Variants in TMEM120B observed in about 807,000 individuals in gnomAD.
TMEM120B encodes transmembrane protein 120B.
Under a neutral mutation model 55.5 loss-of-function variants are expected in TMEM120B, and 31 were observed. The ratio of observed to expected loss-of-function variants is 0.56; its 90% CI spans 0.42 to 0.75. The LOEUF is 0.75. TMEM120B is among the 30% of genes least tolerant of loss of function. TMEM120B has a pLI of 0.00. For synonymous variants in TMEM120B, 203 were observed against 176.3 expected (o/e 1.15, Z -1.20); for missense variants, 399 against 425.5 (o/e 0.94, Z 0.55).
In TMEM120B at chr12:121,781,999, T is replaced by TAAAC. The variant is rs1231348067; in HGVS notation, c.*6280_*6283dup. On this transcript the variant is annotated 3_prime_UTR_variant, in exon 12 of 12. Coordinates refer to ENST00000449592, the MANE Select transcript of TMEM120B (RefSeq NM_001080825.2). The stretch of plus-strand genomic sequence containing the variant: ...TTTGCTTTTTTCTTCTTCTTCTTTA[T>TAAAC]AAACAATTCTTTGTAACTTTTTGTA... 6.6e-6 allele frequency: 1 copy of TAAAC among 152,226 alleles called. No homozygotes were observed. Among genetic ancestry groups the TAAAC allele is most frequent in the East Asian group, 1.9e-4 (1 of 5,202 alleles). 9.4% of individuals were successfully genotyped at this position (152,226 alleles called of 1,614,324 possible).
At chr12:121,754,336 G>T (rs1057119669) in intron 5 of TMEM120B, among the ~76,000 whole-genome samples, 1 of 152,242 alleles carries the variant, frequency 6.6e-6, no homozygotes, top group Non-Finnish European at 1.5e-5. Context: ...AACCCTTGCT[G>T]TCCTGAGGCC....
At position 121,773,434 on chromosome 12, in the gene TMEM120B, C is replaced by T. The variant is rs1447586279; in HGVS notation, c.693C>T (p.Phe231=). ...CTCCCCCTGCAGGCTGCGTCCAGTT[C>T]CTGCAATATTATTACCAGAGGGGCT... The part of the protein sequence containing the change: ...AFSIFQSCVQ[F]LQYYYQRGCL... The change falls in exon 9 of 12, where the codon TTC becomes TTT. Residue 231 remains phenylalanine (F), a synonymous_variant. Transcript: ENST00000449592. 2.5e-6 allele frequency: 4 copies of T among 1,611,058 alleles called. No homozygotes were observed. The highest frequency in any genetic ancestry group is 3.4e-6 in the Non-Finnish European group (4 of 1,178,664).
intron 6 of TMEM120B, among the ~76,000 whole-genome samples, chr12:121,765,899 C>T (rs1485945615): frequency 6.6e-6 from 1 of 152,102 alleles, no homozygotes; most frequent in East Asian, 1.9e-4. Context: ...TGCAGGAGAG[C>T]CTGTGTGGAG....
At chr12:121,718,028 T>G (rs936119451) in intron 1 of TMEM120B, among the ~76,000 whole-genome samples, 2 of 152,186 alleles carry the variant, frequency 1.3e-5, no homozygotes, top group Admixed American at 1.3e-4. Flanking sequence ...TGAGTTCAGG[T>G]CCTAGCTTTG....
Position 121,712,925 on chromosome 12 carries a change from C to T in TMEM120B, c.30C>T (p.Arg10=). 1 of 1,535,144 alleles carries T rather than the reference C, an allele frequency of 6.5e-7. No homozygotes were observed. Among genetic ancestry groups the T allele is most frequent in the Non-Finnish European group, 8.7e-7 (1 of 1,148,418 alleles). Residue 10 remains arginine, a synonymous_variant, in exon 1 of 12, where the codon CGC becomes CGT. Transcript: ENST00000449592. ...CCGGGCAGCTGGAGCGTTGCGAGCG[C>T]GAATGGCACGAGCTGGAGGGAGAAT... MSGQLERCE[R]EWHELEGEFQ...
At chr12:121,765,991 A>G (rs1037144810) in intron 6 of TMEM120B, among the ~76,000 whole-genome samples, 1 of 152,080 alleles carries the variant, frequency 6.6e-6, no homozygotes, top group African/African-American at 2.4e-5. Flanking sequence ...CGCGCCGTCA[A>G]CACCCCACAG....
At position 121,779,383 on chromosome 12, in the gene TMEM120B, C is replaced by G. The variant is rs564055361; in HGVS notation, c.*3661C>G. 4.4e-6 allele frequency: 5 copies of G among 1,136,638 alleles called. No individual in the cohort carries two copies. The Admixed American group carries it at 7.5e-5, about 17-fold the overall frequency. 70.4% of individuals were successfully genotyped at this position (1,136,638 alleles called of 1,614,324 possible). A position where few individuals can be genotyped will look rare whatever the true frequency, so the allele number is the denominator to read the frequency against. The stretch of plus-strand genomic sequence containing the variant: ...TTCCAGAATGTTCCAAGAGTCTAGC[C>G]GCAGGCCCCAGACACCATGAGCTGG... On this transcript the variant is annotated 3_prime_UTR_variant, in exon 12 of 12. Transcript: ENST00000449592.
rs867692328 is a variant in TMEM120B, at chr12:121,779,376, G to A, written c.*3654G>A. On this transcript the variant is annotated 3_prime_UTR_variant, in exon 12 of 12. Coordinates refer to ENST00000449592, the MANE Select transcript of TMEM120B (RefSeq NM_001080825.2). ...GAGAGAGTTCCAGAATGTTCCAAGA[G>A]TCTAGCCGCAGGCCCCAGACACCAT... The A allele has an allele frequency of 9.6e-7, 1 of 1,046,018 alleles. No homozygotes were observed. Among genetic ancestry groups the A allele is most frequent in the African/African-American group, 1.6e-5 (1 of 62,688 alleles). 64.8% of individuals were successfully genotyped at this position (1,046,018 alleles called of 1,614,324 possible).
Position 121,775,763 on chromosome 12 carries a change from A to C in TMEM120B, c.*41A>C. 1 of 1,605,832 alleles carries C rather than the reference A, an allele frequency of 6.2e-7. No individual in the cohort carries two copies. ...GCCCTCGGCCCGGACTTCAGACTGC[A>C]GGGGGCTCCCGGGCTCCTTCCCAGC... On this transcript the variant is annotated 3_prime_UTR_variant, in exon 12 of 12. Transcript: ENST00000449592. The surrounding 1 kb of genome is among the most constrained non-coding windows in gnomAD (Gnocchi z 4.3).
intron 1 of TMEM120B, among the ~76,000 whole-genome samples, chr12:121,718,135 A>G (rs2136963081): frequency 6.6e-6 from 1 of 152,268 alleles, no homozygotes; most frequent in East Asian, 1.9e-4. Flanking sequence ...CATAACAACA[A>G]CAATAACAAT....
chr12:121,750,359 C>G (rs1873236511), intron 3 of TMEM120B, 21 bp from the exon 4 acceptor site: 1 of 1,610,814 alleles, frequency 6.2e-7, no homozygotes, highest in East Asian at 2.2e-5. Context: ...GATCATGCCC[C>G]TCACAGGTGT....
chr12:121,728,088 C>T (rs933979738), intron 1 of TMEM120B, among the ~76,000 whole-genome samples: 1 of 151,112 alleles, frequency 6.6e-6, no homozygotes, highest in African/African-American at 2.4e-5. Context: ...GTTCACTGCG[C>T]CCTCTGCCTT....
At chr12:121,757,313 C>T (rs1471874131) in intron 5 of TMEM120B, among the ~76,000 whole-genome samples, 1 of 151,792 alleles carries the variant, frequency 6.6e-6, no homozygotes, top group Non-Finnish European at 1.5e-5. Flanking sequence ...AGGAGCGCAC[C>T]ACCACACCCG....
chr12:121,715,800 G>A (rs568962285), intron 1 of TMEM120B, among the ~76,000 whole-genome samples: 3 of 151,994 alleles, frequency 2.0e-5, no homozygotes, highest in South Asian at 4.2e-4. Context: ...TTCCCTGGAC[G>A]GGGGCCACAC....
At chr12:121,713,819 A>G (rs948190789) in intron 1 of TMEM120B, among the ~76,000 whole-genome samples, 1 of 152,152 alleles carries the variant, frequency 6.6e-6, no homozygotes, top group African/African-American at 2.4e-5. Flanking sequence ...ATTTTTGAAG[A>G]CAGGGCTGTT....
chr12:121,777,023 T>A lies in TMEM120B; in HGVS notation c.*1301T>A, dbSNP rs1474532949. On this transcript the variant is annotated 3_prime_UTR_variant, in exon 12 of 12. Transcript: ENST00000449592. ...CAGGCTGGAGTGCAGTGACACAATC[T>A]CAGCTCACTGCAACCTCTGCCTCCC... 6.7e-6 allele frequency: 1 copy of A among 149,580 alleles called. No individual in the cohort carries two copies. Among genetic ancestry groups the A allele is most frequent in the Non-Finnish European group, 1.5e-5 (1 of 67,656 alleles). The allele number at this position is 149,580 out of a possible 1,614,324, so 9.3% of individuals were successfully genotyped here.
chr12:121,758,630 T>C, intron 5 of TMEM120B: 1 of 976,932 alleles, frequency 1.0e-6, no homozygotes, highest in Non-Finnish European at 1.2e-6. Context: ...GTGGTCACCA[T>C]GGAGGAGGAC....
At chr12:121,718,108 C>A (rs898259047) in intron 1 of TMEM120B, among the ~76,000 whole-genome samples, 8 of 152,134 alleles carry the variant, frequency 5.3e-5, no homozygotes, top group African/African-American at 1.9e-4. Flanking sequence ...AAAACAAAGG[C>A]TGACAATAAT....
rs1465742672 is a variant in TMEM120B, at chr12:121,780,526, G to A, written c.*4804G>A. On this transcript the variant is annotated 3_prime_UTR_variant, in exon 12 of 12. Coordinates refer to ENST00000449592, the MANE Select transcript of TMEM120B (RefSeq NM_001080825.2). Reference sequence around the variant, plus strand: ...GCAGACAGGACACGACAGGACGGCGGCTCATAGCACAGACTTTGGATTGCA... The same window carrying A: ...GCAGACAGGACACGACAGGACGGCGACTCATAGCACAGACTTTGGATTGCA... The A allele has an allele frequency of 1.4e-5, 6 of 438,012 alleles. No homozygotes were observed. Among genetic ancestry groups the A allele is most frequent in the Non-Finnish European group, 2.4e-5 (6 of 246,390 alleles). The allele number at this position is 438,012 out of a possible 1,614,324, so 27.1% of individuals were successfully genotyped here.
Sources: gnomAD v4.1 joint callset for allele counts (sites outside exome capture counted in the v4.1 genomes callset) on GRCh38, gnomAD v4.1.1 for gene constraint, Gnocchi (gnomAD v3.1) non-coding constraint, MANE v1.5 for transcripts, NCBI Gene and HGNC (gene_info 2026-07-23, HGNC 2026-07-21) for gene names.